The following AGO2 variants were observed in gnomAD, a reference collection of about 807,000 sequenced individuals.
The protein encoded by AGO2 is argonaute RISC catalytic component 2, also known as protein argonaute-2.
In AGO2, 5 loss-of-function variants were observed where a neutral mutation model predicts 102.3. The observed-to-expected ratio is 0.05, with a 90% CI of 0.03 to 0.10. AGO2 has a LOEUF of 0.10. Among genes scored for constraint, AGO2 ranks in the 10% least tolerant of loss-of-function variants. The pLI, the probability that AGO2 is intolerant of heterozygous loss-of-function variation, is 1.00. For missense variants in AGO2, 541 were observed against 1,183.7 expected, an observed-to-expected ratio of 0.46 and a Z score of 7.97; for synonymous variants, 449 against 473.1, an observed-to-expected ratio of 0.95 and a Z score of 0.66.
intron 13 of AGO2, 89 bp downstream of exon 13, chr8:140,547,379 C>T: frequency 6.6e-7 from 1 of 1,503,950 alleles, no homozygotes; most frequent in Non-Finnish European, 9.0e-7. Context: ...GGGACCCTGC[C>T]CCCCTGCCCC....
intron 2 of AGO2, among the ~76,000 whole-genome samples, chr8:140,579,956 C>A (rs1440217027): frequency 6.6e-6 from 1 of 152,124 alleles, no homozygotes; most frequent in Non-Finnish European, 1.5e-5. Flanking sequence ...GGCCACTTGA[C>A]GGAGCTCAAG....
chr8:140,585,097 C>A, intron 2 of AGO2, 22 bp downstream of exon 2: 2 of 1,609,024 alleles, frequency 1.2e-6, no homozygotes, highest in South Asian at 2.2e-5. Flanking sequence ...TTACACAGGT[C>A]ATGAAGGATG....
chr8:140,595,855 T>TA lies in AGO2; in HGVS notation c.23-10545dup, dbSNP rs1350627000. Among the ~76,000 whole-genome samples, 54 of 25,196 alleles carry TA rather than the reference T, an allele frequency of 2.1e-3. 11 individuals are homozygous for TA. The highest frequency in any genetic ancestry group is 0.011 in the African/African-American group (51 of 4,486). The allele number at this position is 25,196 out of a possible 152,430, so 16.5% of individuals were successfully genotyped here. On this transcript the variant is annotated intron_variant, in intron 1 of 18. Coordinates refer to ENST00000220592, the MANE Select transcript of AGO2 (RefSeq NM_012154.5). ...TATACAATTGTATATATTATATTTA[T>TA]ATTATATACAATTGTATATTATATA... is the stretch of plus-strand genomic sequence containing the variant.
At chr8:140,565,048 C>T (rs369003238) in intron 3 of AGO2, among the ~76,000 whole-genome samples, 4 of 151,494 alleles carry the variant, frequency 2.6e-5, no homozygotes, top group Admixed American at 1.3e-4. Context: ...GCAGGAGAAT[C>T]GCTTAAACCT....
chr8:140,569,073 T>C (rs977077864), intron 3 of AGO2, among the ~76,000 whole-genome samples: 2 of 152,176 alleles, frequency 1.3e-5, no homozygotes, highest in East Asian at 3.9e-4. Flanking sequence ...CTTCACTGCC[T>C]TGGGAGCCCT....
intron 1 of AGO2, among the ~76,000 whole-genome samples, chr8:140,604,379 T>C (rs569236837): frequency 3.9e-4 from 59 of 152,306 alleles, no homozygotes; most frequent in African/African-American, 1.4e-3. Flanking sequence ...CAAATACCGA[T>C]TCAAACACAG....
At position 140,541,211 on chromosome 8, in the gene AGO2, G is replaced by A. The variant is rs2072790958; in HGVS notation, c.1987C>T (p.Arg663Cys). Residue 663 changes from arginine (R) to cysteine (C), a missense_variant, in exon 15 of 19, where the codon CGC becomes TGC. Around this residue, in one of 6 missense-constraint regions of AGO2, gnomAD observed 309 missense variants for 735.1 expected, o/e 0.42. Transcript: ENST00000220592. ...ACACCGTCGCGGTAGAAGATGATGC[G>A]GGTGGGCTTGAAGCGCGTGGACTTG... ...FYKSTRFKPTRIIFYRDGVSE... is the reference protein window; with the variant it reads ...FYKSTRFKPTCIIFYRDGVSE... 1 of 1,599,244 alleles carries A rather than the reference G, an allele frequency of 6.3e-7. No individual in the cohort carries two copies. Among genetic ancestry groups the A allele is most frequent in the South Asian group, 1.1e-5 (1 of 89,020 alleles).
intron 1 of AGO2, among the ~76,000 whole-genome samples, chr8:140,604,813 C>T (rs1237036478): frequency 7.3e-6 from 1 of 137,294 alleles, no homozygotes. Flanking sequence ...GGCGACAGAG[C>T]GAGACTCCAT....
Position 140,539,557 on chromosome 8 carries a change from T to G in AGO2, c.2035-103A>C. ...GTTGAGAACACCCAGCCGTGGTGATTCTGAGAGACAATGAGTGTGTTCACG... is the reference window on the plus strand; with the variant it reads ...GTTGAGAACACCCAGCCGTGGTGATGCTGAGAGACAATGAGTGTGTTCACG... On this transcript the variant is annotated intron_variant, in intron 15 of 18. Transcript: ENST00000220592. The surrounding 1 kb of genome is among the most constrained non-coding windows in gnomAD (Gnocchi z 4.7). The G allele has an allele frequency of 7.3e-7, 1 of 1,372,482 alleles. No homozygotes were observed. Among genetic ancestry groups the G allele is most frequent in the Non-Finnish European group, 1.0e-6 (1 of 1,001,296 alleles). The allele number at this position is 1,372,482 out of a possible 1,614,324, so 85.0% of individuals were successfully genotyped here.
chr8:140,615,424 C>G lies in AGO2; in HGVS notation c.22+20061G>C, dbSNP rs568690488. Among the ~76,000 whole-genome samples, 5 of 152,364 alleles carry G rather than the reference C, an allele frequency of 3.3e-5. No individual in the cohort carries two copies. The East Asian group carries it at 9.6e-4, about 29-fold the overall frequency. On this transcript the variant is annotated intron_variant, in intron 1 of 18. Coordinates refer to ENST00000220592, the MANE Select transcript of AGO2 (RefSeq NM_012154.5). ...TCTAGGCCCCGGGCCCCCAGGCGGC[C>G]CTTCTCATGCCACAGTGGCCCCGGC...
intron 17 of AGO2, among the ~76,000 whole-genome samples, chr8:140,533,838 T>G (rs1355755953): frequency 6.6e-6 from 1 of 152,016 alleles, no homozygotes; most frequent in Non-Finnish European, 1.5e-5. Flanking sequence ...AAATTACACA[T>G]TAGCAGTAAC....
chr8:140,594,622 T>C (rs1051208232), intron 1 of AGO2, among the ~76,000 whole-genome samples: 4 of 151,194 alleles, frequency 2.6e-5, no homozygotes, highest in African/African-American at 9.7e-5. Flanking sequence ...ATCCCATCTG[T>C]ACAAAAAAAA....
intron 10 of AGO2, among the ~76,000 whole-genome samples, chr8:140,554,310 G>C (rs2073056630): frequency 6.6e-6 from 1 of 152,148 alleles, no homozygotes; most frequent in Admixed American, 6.5e-5. Flanking sequence ...AGGAGGGGCT[G>C]AAGGGCCCTG....
chr8:140,598,428 T>C (rs2073880900), intron 1 of AGO2, among the ~76,000 whole-genome samples: 1 of 152,264 alleles, frequency 6.6e-6, no homozygotes, highest in Non-Finnish European at 1.5e-5. Flanking sequence ...CCATCTTTCC[T>C]ACGGTTTTAC....
intron 1 of AGO2, among the ~76,000 whole-genome samples, chr8:140,625,988 C>T (rs1181852426): frequency 6.6e-6 from 1 of 152,254 alleles, no homozygotes; most frequent in Non-Finnish European, 1.5e-5. Context: ...GCAGCACGCA[C>T]AGGGACCAAG....
At chr8:140,603,365 C>A (rs540699541) in intron 1 of AGO2, among the ~76,000 whole-genome samples, 29 of 152,322 alleles carry the variant, frequency 1.9e-4, no homozygotes, top group East Asian at 1.2e-3. Context: ...AGGTTGTTTT[C>A]TTCTTGTTAA....
At position 140,532,411 on chromosome 8, in the gene AGO2, C is replaced by T; in HGVS notation, c.2471+5G>A. 6.2e-7 allele frequency: 1 copy of T among 1,610,454 alleles called. No individual in the cohort carries two copies. Among genetic ancestry groups the T allele is most frequent in the African/African-American group, 1.3e-5 (1 of 75,008 alleles). Reference sequence around the variant, plus strand: ...CTGTGACCTCCAGCCAGGCATGCCACTCACCTGTCATGTTCCTTATCCACC... The same window carrying T: ...CTGTGACCTCCAGCCAGGCATGCCATTCACCTGTCATGTTCCTTATCCACC... On this transcript the variant is annotated splice_donor_5th_base_variant and intron_variant, in intron 18 of 18. Transcript: ENST00000220592.
chr8:140,579,721 GAGA>G (rs1294418057), intron 2 of AGO2, among the ~76,000 whole-genome samples: 2 of 152,068 alleles, frequency 1.3e-5, no homozygotes, highest in Non-Finnish European at 1.5e-5. Context: ...TATAGAGACT[GAGA>G]AGGAGAACGG....
At chr8:140,554,376 A>ACC (rs200857061) in intron 10 of AGO2, among the ~76,000 whole-genome samples, 1 of 151,708 alleles carries the variant, frequency 6.6e-6, no homozygotes, top group South Asian at 2.1e-4. Flanking sequence ...AGGGACACAG[A>ACC]CCCCCCCACG....
Sources: gnomAD v4.1 joint callset for allele counts (sites outside exome capture counted in the v4.1 genomes callset) on GRCh38, gnomAD v4.1.1 for gene constraint, gnomAD v4.1.1 regional missense constraint, Gnocchi (gnomAD v3.1) non-coding constraint, MANE v1.5 for transcripts, NCBI Gene and HGNC (gene_info 2026-07-23, HGNC 2026-07-21) for gene names.